INSYN2A: variants seen among roughly 807,000 people sequenced by gnomAD.
INSYN2A encodes family with sequence similarity 196 member A.
In INSYN2A, 17 loss-of-function variants were observed where a neutral mutation model predicts 39.4. The observed-to-expected ratio is 0.43, with a 90% CI of 0.30 to 0.65. The LOEUF is 0.65. Among genes scored for constraint, INSYN2A ranks in the 30% least tolerant of loss-of-function variants. INSYN2A has a pLI of 0.14. For missense variants in INSYN2A, 595 were observed against 631.2 expected (o/e 0.94, Z 0.61); for synonymous variants, 255 against 265.7 (o/e 0.96, Z 0.39).
intron 1 of INSYN2A, among the ~76,000 whole-genome samples, chr10:127,194,318 T>C (rs2056949965): frequency 6.6e-6 from 1 of 152,218 alleles, no homozygotes; most frequent in South Asian, 2.1e-4. Context: ...TAAACATGGA[T>C]AGTAAATGAT....
In INSYN2A at chr10:127,175,386, G is replaced by A; in HGVS notation, c.1010C>T (p.Pro337Leu). The A allele has an allele frequency of 6.2e-7, 1 of 1,613,878 alleles. No homozygotes were observed. The highest frequency in any genetic ancestry group is 8.5e-7 in the Non-Finnish European group (1 of 1,180,046). ...TTCTTCACCTGCAGCAACCGCTGTGGGACTAGGCTGGTTCCCCAGCCCCGG... is the reference window on the plus strand; with the variant it reads ...TTCTTCACCTGCAGCAACCGCTGTGAGACTAGGCTGGTTCCCCAGCCCCGG... ...TPPGLGNQPS[P>L]TAVAAGEECQ... The change falls in exon 4 of 6, where the codon CCC becomes CTC. Residue 337 changes from proline to leucine, a missense_variant. Pro to Leu is a moderately conservative substitution (Grantham distance 98). Coordinates refer to ENST00000522781, the MANE Select transcript of INSYN2A (RefSeq NM_001039762.3). The surrounding 1 kb of genome is among the most constrained non-coding windows in gnomAD (Gnocchi z 6.3).
intron 5 of INSYN2A, 78 bp downstream of exon 5, chr10:127,153,774 A>C: frequency 8.9e-7 from 1 of 1,126,082 alleles, no homozygotes; most frequent in Non-Finnish European, 1.3e-6. Flanking sequence ...GCATGGCCCC[A>C]GATCGTTCTT....
intron 5 of INSYN2A, among the ~76,000 whole-genome samples, chr10:127,146,546 A>G (rs972056338): frequency 1.3e-5 from 2 of 152,176 alleles, no homozygotes; most frequent in Non-Finnish European, 2.9e-5. Context: ...AAACAAAAGT[A>G]TTTCCTTACC....
At chr10:127,174,251 G>A (rs776145066) in intron 4 of INSYN2A, among the ~76,000 whole-genome samples, 7 of 152,166 alleles carry the variant, frequency 4.6e-5, no homozygotes, top group Admixed American at 1.3e-4. Context: ...CGCTGCCTCC[G>A]ATGTTACCTC....
At chr10:127,163,593 C>G (rs1345810912) in intron 4 of INSYN2A, among the ~76,000 whole-genome samples, 1 of 152,058 alleles carries the variant, frequency 6.6e-6, no homozygotes, top group Non-Finnish European at 1.5e-5. Context: ...TGATAACATG[C>G]CCTTTTGCTT....
chr10:127,137,651 G>A lies in INSYN2A; in HGVS notation c.*186C>T. The A allele has an allele frequency of 2.0e-6, 1 of 495,630 alleles. No individual in the cohort carries two copies. Among genetic ancestry groups the A allele is most frequent in the Non-Finnish European group, 3.5e-6 (1 of 283,932 alleles). The allele number at this position is 495,630 out of a possible 1,614,324, so 30.7% of individuals were successfully genotyped here. ...CTGCAAAGAACAGCTGGCAAGGAGT[G>A]ACACAGAATACCTTGCTTCTGTTAA... On this transcript the variant is annotated 3_prime_UTR_variant, in exon 6 of 6. Coordinates refer to ENST00000522781, the MANE Select transcript of INSYN2A (RefSeq NM_001039762.3).
intron 2 of INSYN2A, among the ~76,000 whole-genome samples, chr10:127,186,491 C>T (rs1054975881): frequency 1.8e-5 from 2 of 110,920 alleles, no homozygotes; most frequent in South Asian, 7.4e-4. Context: ...ATCATGATAA[C>T]AGCATGGGAG....
At chr10:127,144,213 C>T (rs1216785997) in intron 5 of INSYN2A, among the ~76,000 whole-genome samples, 1 of 152,172 alleles carries the variant, frequency 6.6e-6, no homozygotes, top group Non-Finnish European at 1.5e-5. Flanking sequence ...CTGGCAAACT[C>T]CTTCTCAAAT....
At chr10:127,190,845 T>C (rs2056701688) in intron 2 of INSYN2A, among the ~76,000 whole-genome samples, 1 of 151,928 alleles carries the variant, frequency 6.6e-6, no homozygotes, top group Non-Finnish European at 1.5e-5. Flanking sequence ...TTCCCAGTGC[T>C]ACTGAGACTG....
intron 2 of INSYN2A, among the ~76,000 whole-genome samples, chr10:127,190,652 A>G (rs1359535612): frequency 8.4e-6 from 1 of 118,604 alleles, no homozygotes; most frequent in East Asian, 2.7e-4. Context: ...AATATTTAAT[A>G]GAAATCCTAT....
At chr10:127,152,156 A>T (rs1476284858) in intron 5 of INSYN2A, among the ~76,000 whole-genome samples, 1 of 152,160 alleles carries the variant, frequency 6.6e-6, no homozygotes, top group Non-Finnish European at 1.5e-5. Flanking sequence ...CTTCCAAACT[A>T]ACAGAAGCTG....
intron 5 of INSYN2A, among the ~76,000 whole-genome samples, chr10:127,143,198 C>T (rs895813452): frequency 6.6e-6 from 1 of 152,178 alleles, no homozygotes; most frequent in Non-Finnish European, 1.5e-5. Context: ...CTTCTGCAGT[C>T]GTCCATGTGT....
chr10:127,159,503 G>A (rs957502322), intron 4 of INSYN2A, among the ~76,000 whole-genome samples: 5 of 151,856 alleles, frequency 3.3e-5, no homozygotes, highest in Non-Finnish European at 5.9e-5. Context: ...ATTTTTTTGT[G>A]TGTAAATACA....
chr10:127,181,004 C>T (rs2055680181), intron 2 of INSYN2A, among the ~76,000 whole-genome samples: 1 of 152,000 alleles, frequency 6.6e-6, no homozygotes, highest in Non-Finnish European at 1.5e-5. Flanking sequence ...AAGGTAAAAT[C>T]TAATCCACAC....
At chr10:127,157,194 G>T (rs919961565) in intron 4 of INSYN2A, among the ~76,000 whole-genome samples, 1 of 152,354 alleles carries the variant, frequency 6.6e-6, no homozygotes, top group South Asian at 2.1e-4. Context: ...GACATTTTTA[G>T]TGAGACCTGG....
chr10:127,138,406 A>G (rs372454608), intron 5 of INSYN2A, among the ~76,000 whole-genome samples: 1 of 152,162 alleles, frequency 6.6e-6, no homozygotes, highest in Non-Finnish European at 1.5e-5. Context: ...ACCTTAGTAC[A>G]TCTATACCAA....
At chr10:127,190,529 G>A (rs181974766) in intron 2 of INSYN2A, among the ~76,000 whole-genome samples, 68 of 103,912 alleles carry the variant, frequency 6.5e-4, no homozygotes, top group Middle Eastern at 0.011. Context: ...GCTGTGAATC[G>A]CTTCATCCAA....
At chr10:127,181,744 C>G (rs2055755788) in intron 2 of INSYN2A, among the ~76,000 whole-genome samples, 2 of 152,198 alleles carry the variant, frequency 1.3e-5, no homozygotes, top group South Asian at 4.1e-4. Flanking sequence ...TCACCACCGG[C>G]TTCCACCGGA....
At chr10:127,168,271 G>A (rs2054260105) in intron 4 of INSYN2A, among the ~76,000 whole-genome samples, 1 of 152,162 alleles carries the variant, frequency 6.6e-6, no homozygotes, top group Admixed American at 6.5e-5. Flanking sequence ...AAATGTTTTG[G>A]GTTATGATAA....
Sources: allele counts gnomAD v4.1 joint callset (sites outside exome capture counted in the v4.1 genomes callset), GRCh38; gene constraint gnomAD v4.1.1; non-coding constraint Gnocchi (gnomAD v3.1); transcripts MANE v1.5; gene names NCBI Gene and HGNC (gene_info 2026-07-23, HGNC 2026-07-21).